SPRR3: variants seen among roughly 807,000 people sequenced by gnomAD.
SPRR3 encodes small proline-rich protein 3.
For synonymous variants in SPRR3, 58 were observed against 72.3 expected, an observed-to-expected ratio of 0.80 and a Z score of 1.01; for missense variants, 183 against 200.3, an observed-to-expected ratio of 0.91 and a Z score of 0.52.
chr1:153,003,615 G>C lies in SPRR3; in HGVS notation c.*85G>C. 1 of 1,527,952 alleles carries C rather than the reference G, an allele frequency of 6.5e-7. No individual in the cohort carries two copies. Among genetic ancestry groups the C allele is most frequent in the East Asian group, 2.3e-5 (1 of 43,546 alleles). 94.6% of individuals were successfully genotyped at this position (1,527,952 alleles called of 1,614,324 possible). A position where few individuals can be genotyped will look rare whatever the true frequency, so the allele number is the denominator to read the frequency against. The stretch of plus-strand genomic sequence containing the variant: ...ATCTGTTTCTGTGTCTTAATTGTCT[G>C]TAGACCTTGTAATCAGCACATTGTC... On this transcript the variant is annotated 3_prime_UTR_variant, in exon 2 of 2. Coordinates refer to ENST00000295367, the MANE Select transcript of SPRR3 (RefSeq NM_001097589.2).
rs1034976362 is a variant in SPRR3 at position 153,003,658 on chromosome 1, C to G, written c.*128C>G. On this transcript the variant is annotated 3_prime_UTR_variant, in exon 2 of 2. Transcript: ENST00000295367. ...ACATTGTCACCCCAAGCCATAGTCT[C>G]TCTCTTATTTGTATCCTAAAAATAC... 3.2e-5 allele frequency: 41 copies of G among 1,293,760 alleles called. No individual in the cohort carries two copies. The highest frequency in any genetic ancestry group is 4.3e-5 in the Non-Finnish European group (41 of 952,482). The allele number at this position is 1,293,760 out of a possible 1,614,324, so 80.1% of individuals were successfully genotyped here.
In SPRR3 at chr1:153,003,345, G is replaced by C. The variant is rs200495953; in HGVS notation, c.325G>C (p.Val109Leu). ...GGTCCCTGAGCCAGGCTACACCAAG[G>C]TCCCTGAACCAGGCAGCATCAAGGT... ...TKVPEPGYTK[V>L]PEPGSIKVPD... The change falls in exon 2 of 2, where the codon GTC becomes CTC. Residue 109 changes from valine (V) to leucine (L), a missense_variant. Physicochemically the swap from Val to Leu is conservative, Grantham distance 32. Transcript: ENST00000295367. 6.2e-7 allele frequency: 1 copy of C among 1,609,754 alleles called. No individual in the cohort carries two copies.
In SPRR3 at chr1:153,003,710, A is replaced by G. The variant is rs555419511; in HGVS notation, c.*180A>G. On this transcript the variant is annotated 3_prime_UTR_variant, in exon 2 of 2. Coordinates refer to ENST00000295367, the MANE Select transcript of SPRR3 (RefSeq NM_001097589.2). Reference sequence around the variant, plus strand: ...TACTATAAAGCTTTTGTTCACACACACTCTGAAGAATCCTGTAAGCCCCTG... The same window carrying G: ...TACTATAAAGCTTTTGTTCACACACGCTCTGAAGAATCCTGTAAGCCCCTG... 1 of 900,152 alleles carries G rather than the reference A, an allele frequency of 1.1e-6. No homozygotes were observed. Among genetic ancestry groups the G allele is most frequent in the Non-Finnish European group, 1.7e-6 (1 of 601,872 alleles). The allele number at this position is 900,152 out of a possible 1,614,324, so 55.8% of individuals were successfully genotyped here.
intron 1 of SPRR3, chr1:153,002,350 G>A (rs1417216254): frequency 6.6e-6 from 1 of 152,656 alleles, no homozygotes; most frequent in Non-Finnish European, 1.5e-5. Flanking sequence ...TGTGAACAGA[G>A]GCTCCCAGGT....
intron 1 of SPRR3, 48 bp from the exon 2 acceptor site, chr1:153,002,954 C>T: frequency 6.6e-7 from 1 of 1,525,604 alleles, no homozygotes; most frequent in Non-Finnish European, 8.8e-7. Context: ...TTAAACTGGG[C>T]TTCATTCCTA....
chr1:153,003,712 T>A lies in SPRR3; in HGVS notation c.*182T>A, dbSNP rs1310710435. 1.1e-6 allele frequency: 1 copy of A among 889,032 alleles called. No individual in the cohort carries two copies. Among genetic ancestry groups the A allele is most frequent in the African/African-American group, 1.7e-5 (1 of 59,050 alleles). 55.1% of individuals were successfully genotyped at this position (889,032 alleles called of 1,614,324 possible). On this transcript the variant is annotated 3_prime_UTR_variant, in exon 2 of 2. Coordinates refer to ENST00000295367, the MANE Select transcript of SPRR3 (RefSeq NM_001097589.2). The stretch of plus-strand genomic sequence containing the variant: ...CTATAAAGCTTTTGTTCACACACAC[T>A]CTGAAGAATCCTGTAAGCCCCTGAA...
At chr1:153,002,857 AG>A (rs1652822090) in intron 1 of SPRR3, 144 bp from the exon 2 acceptor site, 1 of 869,936 alleles carries the variant, frequency 1.1e-6, no homozygotes, top group Non-Finnish European at 1.7e-6. Context: ...GGATCACCAA[AG>A]CATCCCATGA....
chr1:153,003,368 G>A lies in SPRR3; in HGVS notation c.348G>A (p.Lys116=), dbSNP rs1189532917. 2 of 1,613,932 alleles carry A rather than the reference G, an allele frequency of 1.2e-6. No homozygotes were observed. The highest frequency in any genetic ancestry group is 1.7e-5 in the Admixed American group (1 of 59,974). The change falls in exon 2 of 2, where the codon AAG becomes AAA. Residue 116 remains lysine (K), a synonymous_variant. Coordinates refer to ENST00000295367, the MANE Select transcript of SPRR3 (RefSeq NM_001097589.2). ...AGGTCCCTGAACCAGGCAGCATCAA[G>A]GTCCCTGACCAAGGCTTCATCAAGT... ...YTKVPEPGSI[K]VPDQGFIKFP...
In SPRR3 at chr1:153,003,201, GT is replaced by G. The variant is rs758181650; in HGVS notation, c.182del (p.Val61AlafsTer139). ...GATTCCAGAGCCAGGCTGTACCAAG[GT>G]CCCTGAGCCAGGCTGTACCAAGGTC... is the stretch of plus-strand genomic sequence containing the variant. Reference protein sequence around the residue: ...TKIPEPGCTKVPEPGCTKVPE... With the variant: ...TKIPEPGCTKXPEPGCTKVPE... On this transcript the variant is annotated frameshift_variant, in exon 2 of 2. Transcript: ENST00000295367. LOFTEE classifies it low-confidence loss of function (END_TRUNC). The G allele has an allele frequency of 1.3e-6, 2 of 1,500,736 alleles. No homozygotes were observed. The highest frequency in any genetic ancestry group is 1.2e-5 in the South Asian group (1 of 84,082). 93.0% of individuals were successfully genotyped at this position (1,500,736 alleles called of 1,614,324 possible). A position where few individuals can be genotyped will look rare whatever the true frequency, so the allele number is the denominator to read the frequency against.
rs1474302406 is a variant in SPRR3 at position 153,002,901 on chromosome 1, G to T, written c.-19-101G>T. 3.2e-6 allele frequency: 4 copies of T among 1,249,674 alleles called. No homozygotes were observed. In the East Asian group the frequency reaches 9.6e-5, roughly 30 times the overall value. The allele number at this position is 1,249,674 out of a possible 1,614,324, so 77.4% of individuals were successfully genotyped here. A position where few individuals can be genotyped will look rare whatever the true frequency, so the allele number is the denominator to read the frequency against. Reference sequence around the variant, plus strand: ...TTCAGGGAAAAAGAAAGAAAAGAGAGGCTCTCAGTTCTGAAGGAGAATGAA... The same window carrying T: ...TTCAGGGAAAAAGAAAGAAAAGAGATGCTCTCAGTTCTGAAGGAGAATGAA... On this transcript the variant is annotated intron_variant, in intron 1 of 1. Coordinates refer to ENST00000295367, the MANE Select transcript of SPRR3 (RefSeq NM_001097589.2).
In SPRR3 at chr1:153,003,441, G is replaced by A. The variant is rs17845559; in HGVS notation, c.421G>A (p.Val141Ile). 2 of 1,614,092 alleles carry A rather than the reference G, an allele frequency of 1.2e-6. No homozygotes were observed. Among genetic ancestry groups the A allele is most frequent in the Non-Finnish European group, 1.7e-6 (2 of 1,180,000 alleles). The change falls in exon 2 of 2, where the codon GTT becomes ATT. Residue 141 changes from valine (V) to isoleucine (I), a missense_variant. Physicochemically the swap from Val to Ile is conservative, Grantham distance 29 (BLOSUM62 3). Transcript: ENST00000295367. Reference protein sequence around the residue: ...IKVPEQGYTKVPVPGYTKLPE... With the variant: ...IKVPEQGYTKIPVPGYTKLPE... The stretch of plus-strand genomic sequence containing the variant: ...AGTTCCTGAGCAAGGATACACCAAA[G>A]TTCCTGTGCCAGGCTACACAAAGCT...
chr1:153,002,986 G>A lies in SPRR3; in HGVS notation c.-19-16G>A. 1 of 1,585,714 alleles carries A rather than the reference G, an allele frequency of 6.3e-7. No individual in the cohort carries two copies. The highest frequency in any genetic ancestry group is 8.6e-7 in the Non-Finnish European group (1 of 1,165,220). ...CCTACTTAATCAAAGCACTGAATTA[G>A]CTGTTTTGTCTCTAGGTCCAGCATC... On this transcript the variant is annotated splice_polypyrimidine_tract_variant and intron_variant, in intron 1 of 1. Transcript: ENST00000295367.
In SPRR3 at chr1:153,003,202, TCCCTGAGCCAGGCTGTA is replaced by T; in HGVS notation, c.185_201del (p.Pro62GlnfsTer4). 2 of 1,217,238 alleles carry T rather than the reference TCCCTGAGCCAGGCTGTA, an allele frequency of 1.6e-6. No homozygotes were observed. Among genetic ancestry groups the T allele is most frequent in the Non-Finnish European group, 2.1e-6 (2 of 949,782 alleles). The allele number at this position is 1,217,238 out of a possible 1,614,324, so 75.4% of individuals were successfully genotyped here. A position where few individuals can be genotyped will look rare whatever the true frequency, so the allele number is the denominator to read the frequency against. On this transcript the variant is annotated frameshift_variant, in exon 2 of 2. Transcript: ENST00000295367. LOFTEE classifies it low-confidence loss of function (END_TRUNC). ...ATTCCAGAGCCAGGCTGTACCAAGGTCCCTGAGCCAGGCTGTACCAAGGTCCCTGAGCCAGGCTGTAC... is the reference window on the plus strand; with the variant it reads ...ATTCCAGAGCCAGGCTGTACCAAGGTCCAAGGTCCCTGAGCCAGGCTGTAC...
intron 1 of SPRR3, 24 bp downstream of exon 1, chr1:153,001,817 C>T (rs1652788872): frequency 6.6e-6 from 1 of 152,204 alleles, no homozygotes; most frequent in African/African-American, 2.4e-5. Context: ...TTAGGAACAC[C>T]TTAATATTCT....
Position 153,003,516 on chromosome 1 carries a change from A to G in SPRR3, c.496A>G (p.Thr166Ala), listed in dbSNP as rs1435189557. ...CACTCCAGGCCCAGCTCAGCAGAAGACCAAGCAGAAGTAATTTGGTGCACA... is the reference window on the plus strand; with the variant it reads ...CACTCCAGGCCCAGCTCAGCAGAAGGCCAAGCAGAAGTAATTTGGTGCACA... ...TVTPGPAQQK[T>A]KQK The change falls in exon 2 of 2, where the codon ACC becomes GCC. Residue 166 changes from threonine to alanine, a missense_variant. Transcript: ENST00000295367. 1.2e-6 allele frequency: 2 copies of G among 1,613,590 alleles called. No individual in the cohort carries two copies. Among genetic ancestry groups the G allele is most frequent in the African/African-American group, 1.3e-5 (1 of 75,002 alleles).
rs2101571958 is a variant in SPRR3, at chr1:153,003,186, CCAGGCTGTACCAAGGTCCCTG to C, written c.167_187del (p.Pro56_Glu63delinsGln). The C allele has an allele frequency of 2.6e-6, 4 of 1,544,800 alleles. No homozygotes were observed. In the East Asian group the frequency reaches 7.8e-5, roughly 30 times the overall value. On this transcript the variant is annotated inframe_deletion, in exon 2 of 2. Transcript: ENST00000295367. ...ACCTGGAAACACAAAGATTCCAGAGCCAGGCTGTACCAAGGTCCCTGAGCCAGGCTGTACCAAGGTCCCTGA... is the reference window on the plus strand; with the variant it reads ...ACCTGGAAACACAAAGATTCCAGAGCAGCCAGGCTGTACCAAGGTCCCTGA...
intron 1 of SPRR3, chr1:153,002,574 C>A: frequency 5.8e-6 from 1 of 173,486 alleles, no homozygotes. Context: ...GAGCAAGAAA[C>A]ATGCATTTCT....
At position 153,003,832 on chromosome 1, in the gene SPRR3, C is replaced by T. The variant is rs938661793; in HGVS notation, c.*302C>T. ...AAGAAATGCATGTTTCCTGCTCTTC[C>T]CTCATTAAATTGCTTTTAATTCCAG... On this transcript the variant is annotated 3_prime_UTR_variant, in exon 2 of 2. Coordinates refer to ENST00000295367, the MANE Select transcript of SPRR3 (RefSeq NM_001097589.2). 13 of 416,026 alleles carry T rather than the reference C, an allele frequency of 3.1e-5. No homozygotes were observed. Among genetic ancestry groups the T allele is most frequent in the African/African-American group, 2.0e-4 (10 of 49,940 alleles). The allele number at this position is 416,026 out of a possible 1,614,324, so 25.8% of individuals were successfully genotyped here. A position where few individuals can be genotyped will look rare whatever the true frequency, so the allele number is the denominator to read the frequency against.
At position 153,003,045 on chromosome 1, in the gene SPRR3, A is replaced by C. The variant is rs1264114368; in HGVS notation, c.25A>C (p.Thr9Pro). 6.2e-7 allele frequency: 1 copy of C among 1,613,878 alleles called. No homozygotes were observed. The highest frequency in any genetic ancestry group is 1.3e-5 in the African/African-American group (1 of 74,996). Reference protein sequence around the residue: MSSYQQKQTFTPPPQLQQQ... With the variant: MSSYQQKQPFTPPPQLQQQ... ...CATGAGTTCTTACCAGCAGAAGCAG[A>C]CCTTTACCCCACCACCTCAGCTTCA... is the stretch of plus-strand genomic sequence containing the variant. Residue 9 changes from threonine to proline, a missense_variant, in exon 2 of 2, where the codon ACC becomes CCC. Coordinates refer to ENST00000295367, the MANE Select transcript of SPRR3 (RefSeq NM_001097589.2).
Sources: allele counts gnomAD v4.1 joint callset, GRCh38; gene constraint gnomAD v4.1.1; transcripts MANE v1.5; gene names NCBI Gene and HGNC (gene_info 2026-07-23, HGNC 2026-07-21).